Variants in TNKS observed in about 807,000 individuals in gnomAD.
TNKS encodes tankyrase, also known as poly [ADP-ribose] polymerase tankyrase-1.
TNKS carries 72 observed loss-of-function variants against 135.8 expected under a neutral mutation model. That is an observed-to-expected ratio of 0.53 (90% CI 0.44 to 0.64). The LOEUF is 0.64. TNKS is among the 30% of genes least tolerant of loss of function. The probability of loss-of-function intolerance (pLI) is 0.00; values close to 1 mark genes in which losing one functional copy is unlikely to be tolerated. For synonymous variants in TNKS, 849 were observed against 649.3 expected (o/e 1.31, Z -4.68); for missense variants, 1,769 against 1,674.0 (o/e 1.06, Z -0.99).
intron 2 of TNKS, among the ~76,000 whole-genome samples, chr8:9,595,059 T>C (rs533142447): frequency 6.6e-6 from 1 of 152,318 alleles, no homozygotes; most frequent in East Asian, 1.9e-4. Context: ...ATGTCTTTCC[T>C]TTTCCTGCCA....
intron 5 of TNKS, among the ~76,000 whole-genome samples, chr8:9,694,719 C>T (rs529133849): frequency 6.7e-6 from 1 of 150,072 alleles, no homozygotes; most frequent in African/African-American, 2.5e-5. Context: ...CCGAGATCAC[C>T]CCACTGCGCT....
chr8:9,710,425 A>G (rs953076244), intron 11 of TNKS: 1 of 600,144 alleles, frequency 1.7e-6, no homozygotes, highest in Non-Finnish European at 3.0e-6. Flanking sequence ...TGATCCTTTA[A>G]TGTCACCCTT....
Position 9,761,513 on chromosome 8 carries a change from C to T in TNKS, c.3154-3C>T. On this transcript the variant is annotated splice_region_variant and splice_polypyrimidine_tract_variant and intron_variant, in intron 20 of 26. Coordinates refer to ENST00000310430, the MANE Select transcript of TNKS (RefSeq NM_003747.3). ...TCCTAGCTAATTTTGTTTCATTTTT[C>T]AGATTACACTAGATGTGTTGGCTGA... 6.2e-7 allele frequency: 1 copy of T among 1,611,986 alleles called. No individual in the cohort carries two copies. Among genetic ancestry groups the T allele is most frequent in the South Asian group, 1.1e-5 (1 of 90,436 alleles).
At chr8:9,654,359 G>T (rs34465863) in intron 3 of TNKS, among the ~76,000 whole-genome samples, 2 of 129,324 alleles carry the variant, frequency 1.5e-5, no homozygotes, top group Admixed American at 1.7e-4. Context: ...ACTAAAAATC[G>T]AGTGTTTCTT....
chr8:9,571,324 C>T (rs995783463), intron 1 of TNKS, among the ~76,000 whole-genome samples: 9 of 152,106 alleles, frequency 5.9e-5, no homozygotes, highest in African/African-American at 1.7e-4. Flanking sequence ...TGAATTCTGT[C>T]GCTTTGGTAA....
chr8:9,605,758 C>T (rs1380397961), intron 2 of TNKS, among the ~76,000 whole-genome samples: 1 of 151,920 alleles, frequency 6.6e-6, no homozygotes, highest in Non-Finnish European at 1.5e-5. Flanking sequence ...CTGTGAAATG[C>T]CCTAGTCTCT....
Position 9,735,437 on chromosome 8 carries a change from C to T in TNKS, c.2594C>T (p.Ala865Val), listed in dbSNP as rs897998254. 2.5e-6 allele frequency: 4 copies of T among 1,613,876 alleles called. No homozygotes were observed. The highest frequency in any genetic ancestry group is 2.7e-5 in the African/African-American group (2 of 74,856). Residue 865 changes from alanine to valine, a missense_variant, in exon 17 of 27, where the codon GCC becomes GTC. By Grantham distance (64) the Ala-to-Val change is moderately conservative. Around this residue, in one of 5 missense-constraint regions of TNKS, gnomAD observed 722 missense variants for 688.9 expected, o/e 1.05. Transcript: ENST00000310430. The part of the protein sequence containing the change: ...YLLEHGADVN[A>V]QDKGGLIPLH... ...CTAGAGCATGGAGCTGATGTTAATG[C>T]CCAGGACAAGGGTGGTTTAATTCCT...
intron 2 of TNKS, among the ~76,000 whole-genome samples, chr8:9,582,936 A>G (rs780113917): frequency 3.3e-5 from 5 of 151,956 alleles, no homozygotes; most frequent in Non-Finnish European, 5.9e-5. Context: ...GGAGGCTGAG[A>G]TGGGCAGAGC....
At chr8:9,760,223 G>GTTGTT (rs754733044) in intron 20 of TNKS, among the ~76,000 whole-genome samples, 99 of 152,230 alleles carry the variant, frequency 6.5e-4, no homozygotes, top group Admixed American at 1.8e-3. Flanking sequence ...ACTGGGGTTT[G>GTTGTT]TTGTTTTGTT....
chr8:9,698,732 A>G (rs1233251460), intron 5 of TNKS, among the ~76,000 whole-genome samples: 1 of 152,234 alleles, frequency 6.6e-6, no homozygotes, highest in South Asian at 2.1e-4. Flanking sequence ...TATTTTAGCT[A>G]TGCCTTACAT....
At chr8:9,748,543 A>G (rs114659660) in intron 18 of TNKS, among the ~76,000 whole-genome samples, 2,036 of 152,332 alleles carry the variant, frequency 0.013, 25 homozygotes, top group African/African-American at 0.031. Flanking sequence ...TTGTAGAGCA[A>G]CTAATGTTCA....
At chr8:9,769,068 T>C (rs1807639245) in intron 25 of TNKS, among the ~76,000 whole-genome samples, 1 of 152,222 alleles carries the variant, frequency 6.6e-6, no homozygotes, top group Non-Finnish European at 1.5e-5. Flanking sequence ...ATATTAGAGA[T>C]TAGCAGACAT....
At chr8:9,654,516 G>A (rs573211370) in intron 3 of TNKS, among the ~76,000 whole-genome samples, 2 of 152,278 alleles carry the variant, frequency 1.3e-5, no homozygotes, top group South Asian at 4.1e-4. Context: ...GTTAAAGAAT[G>A]TTTTTCACTT....
In TNKS at chr8:9,751,763, C is replaced by G. The variant is rs781019962; in HGVS notation, c.2987C>G (p.Thr996Ser). ...LSAASSIDNLTGPLAELAVGG... is the reference protein window; with the variant it reads ...LSAASSIDNLSGPLAELAVGG... ...GCTGCCAGCAGCATAGACAACCTCA[C>G]TGGCCCTTTAGCAGAGTTGGCCGTA... The change falls in exon 19 of 27, where the codon ACT becomes AGT. Residue 996 changes from threonine (T) to serine (S), a missense_variant. Transcript: ENST00000310430. 9 of 1,614,224 alleles carry G rather than the reference C, an allele frequency of 5.6e-6. No homozygotes were observed. The highest frequency in any genetic ancestry group is 1.6e-4 in the Middle Eastern group (1 of 6,062).
Position 9,659,937 on chromosome 8 carries a change from T to C in TNKS, c.995-20014T>C, listed in dbSNP as rs575696306. Among the ~76,000 whole-genome samples the C allele has an allele frequency of 4.6e-5, 7 of 152,238 alleles. No homozygotes were observed. The South Asian group carries it at 1.5e-3, about 32-fold the overall frequency. On this transcript the variant is annotated intron_variant, in intron 3 of 26. Coordinates refer to ENST00000310430, the MANE Select transcript of TNKS (RefSeq NM_003747.3). ...CTGATCCCACAGAAATACAAATTAC[T>C]ATCAGAGAATACTATAAACACCTCT... is the stretch of plus-strand genomic sequence containing the variant.
At chr8:9,577,494 G>A (rs1011042952) in intron 1 of TNKS, among the ~76,000 whole-genome samples, 1 of 152,110 alleles carries the variant, frequency 6.6e-6, no homozygotes, top group Middle Eastern at 3.2e-3. Context: ...CAGTCGTGAC[G>A]GGAGGTGAAG....
chr8:9,570,453 A>C (rs990254126), intron 1 of TNKS, among the ~76,000 whole-genome samples: 14 of 152,232 alleles, frequency 9.2e-5, no homozygotes, highest in Middle Eastern at 3.2e-3. Flanking sequence ...CAGAACCACC[A>C]GTCCCTTGCT....
In TNKS at chr8:9,782,329, A is replaced by G. The variant is rs976817272; in HGVS notation, c.*5593A>G. ...TACTTGTAAATGATTAATATTCAAT[A>G]AAACCATTTTTAAAGTACACTTGTG... On this transcript the variant is annotated 3_prime_UTR_variant, in exon 27 of 27. Coordinates refer to ENST00000310430, the MANE Select transcript of TNKS (RefSeq NM_003747.3). 2.6e-5 allele frequency: 4 copies of G among 152,688 alleles called. No homozygotes were observed. Among genetic ancestry groups the G allele is most frequent in the Non-Finnish European group, 5.9e-5 (4 of 68,054 alleles). The allele number at this position is 152,688 out of a possible 1,614,324, so 9.5% of individuals were successfully genotyped here.
rs10688007 is a variant in TNKS, at chr8:9,723,154, GT to G, written c.1921+2621del. On this transcript the variant is annotated intron_variant, in intron 12 of 26. Coordinates refer to ENST00000310430, the MANE Select transcript of TNKS (RefSeq NM_003747.3). ...ATAGGAAAATTTTGCCCTCCAAAAG[GT>G]TTTTTTTTTTTGTAATGGGAATTGT... Among the ~76,000 whole-genome samples, 945 of 144,388 alleles carry G rather than the reference GT, an allele frequency of 6.5e-3. 11 individuals are homozygous for G. The highest frequency in any genetic ancestry group is 0.022 in the African/African-American group (873 of 39,580). The allele number at this position is 144,388 out of a possible 152,430, so 94.7% of individuals were successfully genotyped here. A position where few individuals can be genotyped will look rare whatever the true frequency, so the allele number is the denominator to read the frequency against.
Sources: allele counts gnomAD v4.1 joint callset (sites outside exome capture counted in the v4.1 genomes callset), GRCh38; gene constraint gnomAD v4.1.1; regional missense constraint gnomAD v4.1.1; transcripts MANE v1.5; gene names NCBI Gene and HGNC (gene_info 2026-07-23, HGNC 2026-07-21).